Variants in GSE1 observed in about 807,000 individuals in gnomAD.
The protein encoded by GSE1 is genetic suppressor element 1.
GSE1 carries 32 observed loss-of-function variants against 112.6 expected under a neutral mutation model. That is an observed-to-expected ratio of 0.28 (90% CI 0.21 to 0.38). The LOEUF (loss-of-function observed/expected upper bound fraction) is 0.38, where lower values mean the gene tolerates loss of function less well. Ranked by LOEUF, GSE1 falls within the 10% of genes least tolerant of loss-of-function variation. The pLI, the probability that GSE1 is intolerant of heterozygous loss-of-function variation, is 1.00. For missense variants in GSE1, 2,348 were observed against 1,699.2 expected (o/e 1.38, Z -6.71); for synonymous variants, 1,115 against 735.6 (o/e 1.52, Z -8.35).
rs1215876468 is a variant in GSE1 at position 85,673,622 on chromosome 16, T to TTGAG, written c.*1085_*1088dup. 3 of 152,190 alleles carry TTGAG rather than the reference T, an allele frequency of 2.0e-5. No individual in the cohort carries two copies. The highest frequency in any genetic ancestry group is 1.5e-5 in the Non-Finnish European group (1 of 68,038). 9.4% of individuals were successfully genotyped at this position (152,190 alleles called of 1,614,324 possible). A position where few individuals can be genotyped will look rare whatever the true frequency, so the allele number is the denominator to read the frequency against. ...CCTATGCGATCACTTCATTTTTAGT[T>TTGAG]TGAGTTGCACCAGAAGCTGCCGTAG... On this transcript the variant is annotated 3_prime_UTR_variant, in exon 16 of 16. Coordinates refer to ENST00000253458, the MANE Select transcript of GSE1 (RefSeq NM_014615.5).
intron 1 of GSE1, among the ~76,000 whole-genome samples, chr16:85,574,468 C>T (rs1406041872): frequency 6.6e-6 from 1 of 152,208 alleles, no homozygotes; most frequent in Non-Finnish European, 1.5e-5. Context: ...TTACTCCCTG[C>T]GCGTCAGCAG....
chr16:85,374,554 G>A (rs1055838534), intron 2 of GSE1, among the ~76,000 whole-genome samples: 20 of 151,186 alleles, frequency 1.3e-4, no homozygotes, highest in East Asian at 3.9e-4. Context: ...GCGCGCGCGC[G>A]TGCACAGGTA....
chr16:85,450,666 G>A (rs912776179), intron 2 of GSE1, among the ~76,000 whole-genome samples: 4 of 150,616 alleles, frequency 2.7e-5, no homozygotes, highest in Non-Finnish European at 5.9e-5. Flanking sequence ...GGCCAGGCTG[G>A]TCTTGAATTC....
rs926830175 is a variant in GSE1 at position 85,373,119 on chromosome 16, G to T, written c.2464+15476G>T. On this transcript the variant is annotated intron_variant, in intron 2 of 2. Transcript: ENST00000637419. The surrounding 1 kb of genome is among the most constrained non-coding windows in gnomAD (Gnocchi z 5.1). ...CCTTCTAGGCCCAGGTCCTCTGCCA[G>T]GACAGGCAGGTGTCAGCAACAGCAG... Among the ~76,000 whole-genome samples the T allele has an allele frequency of 7.9e-5, 12 of 152,376 alleles. No homozygotes were observed. The highest frequency in any genetic ancestry group is 2.9e-4 in the African/African-American group (12 of 41,602).
intron 1 of GSE1, among the ~76,000 whole-genome samples, chr16:85,302,095 A>G (rs1324542344): frequency 6.6e-6 from 1 of 152,254 alleles, no homozygotes; most frequent in East Asian, 1.9e-4. Flanking sequence ...GCCACCCCAG[A>G]TCTCAAAATC....
upstream of GSE1, among the ~76,000 whole-genome samples, chr16:85,610,113 G>T (rs1249716453): frequency 6.6e-6 from 1 of 152,240 alleles, no homozygotes. Context: ...TGGAGGCACA[G>T]TTTAGCTTGG....
At chr16:85,529,935 C>T (rs1419032840) in intron 2 of GSE1, among the ~76,000 whole-genome samples, 1 of 152,198 alleles carries the variant, frequency 6.6e-6, no homozygotes, top group African/African-American at 2.4e-5. Flanking sequence ...AGGGGTTCCT[C>T]CTGTGTGTGG....
chr16:85,519,774 G>A (rs966104054), intron 2 of GSE1, among the ~76,000 whole-genome samples: 11 of 151,914 alleles, frequency 7.2e-5, no homozygotes, highest in African/African-American at 2.2e-4. Flanking sequence ...TATCACCACC[G>A]TTGTCATCAC....
intron 1 of GSE1, among the ~76,000 whole-genome samples, chr16:85,562,988 A>T (rs1456885287): frequency 2.0e-5 from 3 of 152,202 alleles, no homozygotes; most frequent in Non-Finnish European, 4.4e-5. Context: ...AGGAAGGATG[A>T]TGGGATCCCC....
At chr16:85,240,102 C>G (rs371006732) in intron 1 of GSE1, among the ~76,000 whole-genome samples, 1 of 152,278 alleles carries the variant, frequency 6.6e-6, no homozygotes, top group East Asian at 1.9e-4. Flanking sequence ...CTCTCTGAGC[C>G]TCAACTTGCT....
chr16:85,263,065 G>C (rs922215073), intron 1 of GSE1, among the ~76,000 whole-genome samples: 1 of 152,142 alleles, frequency 6.6e-6, no homozygotes, highest in Non-Finnish European at 1.5e-5. Flanking sequence ...GGCCGGGCTC[G>C]CTTACAGCAC....
At chr16:85,485,547 G>C (rs1037900975) in intron 2 of GSE1, among the ~76,000 whole-genome samples, 1 of 152,228 alleles carries the variant, frequency 6.6e-6, no homozygotes, top group Non-Finnish European at 1.5e-5. Flanking sequence ...CCTTCATCCC[G>C]CAGGCCCGGC....
chr16:85,305,181 C>T (rs561840623), intron 1 of GSE1, among the ~76,000 whole-genome samples: 7 of 152,344 alleles, frequency 4.6e-5, no homozygotes, highest in Middle Eastern at 3.4e-3. Context: ...AGGGTCTACA[C>T]GTGAGAATCA....
intron 1 of GSE1, among the ~76,000 whole-genome samples, chr16:85,193,118 G>A (rs1173604545): frequency 1.3e-5 from 2 of 152,094 alleles, no homozygotes; most frequent in African/African-American, 4.8e-5. Context: ...ACTTCAAAAC[G>A]GGTTTCCTTT....
At chr16:85,200,014 G>A (rs1385179295) in intron 1 of GSE1, among the ~76,000 whole-genome samples, 1 of 152,098 alleles carries the variant, frequency 6.6e-6, no homozygotes, top group Admixed American at 6.5e-5. Context: ...TTCTCTTTTT[G>A]CCATAAATAA....
intron 1 of GSE1, among the ~76,000 whole-genome samples, chr16:85,590,023 A>G (rs1366142823): frequency 6.6e-6 from 1 of 151,990 alleles, no homozygotes; most frequent in Admixed American, 6.5e-5. Flanking sequence ...GTGAATGAAC[A>G]TGAGACGTGA....
rs2052421435 is a variant in GSE1, at chr16:85,661,441, C to T, written c.1936C>T (p.Leu646=). 4 of 1,612,022 alleles carry T rather than the reference C, an allele frequency of 2.5e-6. No homozygotes were observed. The highest frequency in any genetic ancestry group is 3.4e-6 in the Non-Finnish European group (4 of 1,179,582). Residue 646 remains leucine (L), a synonymous_variant, in exon 9 of 16, where the codon CTG becomes TTG. Coordinates refer to ENST00000253458, the MANE Select transcript of GSE1 (RefSeq NM_014615.5). ...EGPRKREPAP[L]DKYQPPPPPP... ...GCCACGGAAGCGTGAGCCTGCCCCT[C>T]TGGACAAGTACCAGCCACCTCCGCC... is the stretch of plus-strand genomic sequence containing the variant.
At chr16:85,496,901 T>C (rs1319722604) in intron 2 of GSE1, among the ~76,000 whole-genome samples, 1 of 31,706 alleles carries the variant, frequency 3.2e-5, no homozygotes, top group Non-Finnish European at 7.2e-5. Flanking sequence ...TGGGTCTTTG[T>C]TGTTTTTTTT....
chr16:85,498,425 A>G (rs1172539400), intron 2 of GSE1, among the ~76,000 whole-genome samples: 1 of 152,166 alleles, frequency 6.6e-6, no homozygotes, highest in Non-Finnish European at 1.5e-5. Context: ...ACACAGACAC[A>G]CACGGACACA....
Sources: gnomAD v4.1 joint callset for allele counts (sites outside exome capture counted in the v4.1 genomes callset) on GRCh38, gnomAD v4.1.1 for gene constraint, Gnocchi (gnomAD v3.1) non-coding constraint, MANE v1.5 for transcripts, NCBI Gene and HGNC (gene_info 2026-07-23, HGNC 2026-07-21) for gene names.